The following EYS variants were observed in gnomAD, a reference collection of about 807,000 sequenced individuals.
The protein encoded by EYS is protein eyes shut homolog.
In EYS, 250 loss-of-function variants were observed where a neutral mutation model predicts 282.1. The observed-to-expected ratio is 0.89, with a 90% CI of 0.80 to 0.98. The LOEUF is 0.98. Among genes scored for constraint, EYS ranks in the 50% least tolerant of loss-of-function variants. The pLI is 0.00. For missense variants in EYS, 4,016 were observed against 3,709.0 expected (o/e 1.08, Z -2.15); for synonymous variants, 1,355 against 1,282.9 (o/e 1.06, Z -1.20).
At chr6:63,969,814 C>T (rs1582052285) in intron 35 of EYS, among the ~76,000 whole-genome samples, 1 of 152,176 alleles carries the variant, frequency 6.6e-6, no homozygotes, top group Non-Finnish European at 1.5e-5. Context: ...AAAAGCATTA[C>T]AACAACTTTT....
At chr6:64,367,583 T>C (rs1454077805) in intron 29 of EYS, among the ~76,000 whole-genome samples, 4 of 149,098 alleles carry the variant, frequency 2.7e-5, no homozygotes, top group Non-Finnish European at 5.9e-5. Context: ...AAATAGGAAG[T>C]GGTGATAAAC....
chr6:63,940,118 C>A (rs1765188330), intron 35 of EYS, among the ~76,000 whole-genome samples: 2 of 152,140 alleles, frequency 1.3e-5, no homozygotes, highest in South Asian at 4.1e-4. Flanking sequence ...TATTTCTCAT[C>A]TTGTTTAGTG....
chr6:65,238,939 TA>T (rs1292907018), intron 12 of EYS, among the ~76,000 whole-genome samples: 2 of 152,032 alleles, frequency 1.3e-5, no homozygotes, highest in East Asian at 1.9e-4. Context: ...TTAATATGCT[TA>T]AAAAAGTTAT....
chr6:64,091,594 C>T (rs149953981), intron 31 of EYS, among the ~76,000 whole-genome samples: 43 of 152,236 alleles, frequency 2.8e-4, no homozygotes, highest in East Asian at 1.5e-3. Context: ...CAGGCCTCTA[C>T]GTTGATGGTC....
At chr6:64,754,993 A>T (rs1772887417) in intron 22 of EYS, among the ~76,000 whole-genome samples, 1 of 152,146 alleles carries the variant, frequency 6.6e-6, no homozygotes, top group Admixed American at 6.5e-5. Context: ...GAACCGAGGA[A>T]GTCAAATTAG....
At chr6:64,511,717 G>A (rs973570252) in intron 26 of EYS, among the ~76,000 whole-genome samples, 36 of 152,068 alleles carry the variant, frequency 2.4e-4, no homozygotes, top group Non-Finnish European at 4.7e-4. Context: ...GGCATATACC[G>A]TGGATGGCTG....
intron 31 of EYS, among the ~76,000 whole-genome samples, chr6:64,145,797 T>C (rs147422299): frequency 5.1e-4 from 77 of 152,292 alleles, no homozygotes; most frequent in African/African-American, 1.8e-3. Flanking sequence ...CTCCTCTTTA[T>C]TCCTCTTTCT....
At chr6:65,066,331 A>T (rs1773745941) in intron 12 of EYS, among the ~76,000 whole-genome samples, 1 of 152,180 alleles carries the variant, frequency 6.6e-6, no homozygotes. Context: ...GCAATTTTGA[A>T]CCTATTTCCA....
intron 12 of EYS, among the ~76,000 whole-genome samples, chr6:65,140,182 T>A (rs995946926): frequency 6.6e-6 from 1 of 151,950 alleles, no homozygotes; most frequent in Non-Finnish European, 1.5e-5. Flanking sequence ...CAAAGAAATA[T>A]AAGATATTAA....
chr6:65,339,431 C>T (rs1770115004), intron 10 of EYS, among the ~76,000 whole-genome samples: 1 of 150,976 alleles, frequency 6.6e-6, no homozygotes, highest in Admixed American at 6.6e-5. Flanking sequence ...AAAGAGAGAC[C>T]ATAGTCACAT....
chr6:65,014,658 T>A (rs922717289), intron 13 of EYS, among the ~76,000 whole-genome samples: 3 of 152,086 alleles, frequency 2.0e-5, no homozygotes, highest in Admixed American at 1.3e-4. Flanking sequence ...AAGAAGGAGA[T>A]GCATTACCAC....
intron 35 of EYS, among the ~76,000 whole-genome samples, chr6:63,906,751 G>A (rs901101003): frequency 6.6e-6 from 1 of 152,130 alleles, no homozygotes; most frequent in Non-Finnish European, 1.5e-5. Flanking sequence ...TTAGCTCATT[G>A]AGAATGATGA....
chr6:64,579,507 T>C (rs933661661), intron 26 of EYS, among the ~76,000 whole-genome samples: 6 of 152,092 alleles, frequency 3.9e-5, no homozygotes, highest in African/African-American at 1.4e-4. Context: ...ACTATTATAA[T>C]TATCCTTGAA....
chr6:64,894,785 A>C (rs1767401877), intron 18 of EYS, among the ~76,000 whole-genome samples: 1 of 152,172 alleles, frequency 6.6e-6, no homozygotes, highest in Non-Finnish European at 1.5e-5. Context: ...AAGTATACTT[A>C]TCTCTGCAAT....
chr6:64,318,747 A>AT (rs1770081045), intron 29 of EYS, among the ~76,000 whole-genome samples: 2 of 151,320 alleles, frequency 1.3e-5, no homozygotes, highest in Non-Finnish European at 1.5e-5. Flanking sequence ...TATGTGTGTG[A>AT]TTTTTTATTT....
At chr6:64,948,638 T>C (rs1033305546) in intron 14 of EYS, among the ~76,000 whole-genome samples, 7 of 147,880 alleles carry the variant, frequency 4.7e-5, no homozygotes. Context: ...TAGTATTAAA[T>C]AGTATTAAAT....
At chr6:64,536,831 T>C (rs1480237676) in intron 26 of EYS, among the ~76,000 whole-genome samples, 3 of 151,164 alleles carry the variant, frequency 2.0e-5, no homozygotes, top group Non-Finnish European at 2.9e-5. Context: ...TATTTATTTC[T>C]TTACATACAT....
chr6:64,703,086 A>T (rs2149925882), intron 22 of EYS, among the ~76,000 whole-genome samples: 1 of 152,128 alleles, frequency 6.6e-6, no homozygotes, highest in South Asian at 2.1e-4. Flanking sequence ...GAGTAAACTC[A>T]TAAGCATTTC....
chr6:64,689,699 C>A (rs995676263), intron 22 of EYS, among the ~76,000 whole-genome samples: 1 of 152,092 alleles, frequency 6.6e-6, no homozygotes, highest in Non-Finnish European at 1.5e-5. Context: ...TGATCTTTGA[C>A]AAACCTGACA....
Sources: gnomAD v4.1 joint callset for allele counts (sites outside exome capture counted in the v4.1 genomes callset) on GRCh38, gnomAD v4.1.1 for gene constraint, MANE v1.5 for transcripts, NCBI Gene and HGNC (gene_info 2026-07-23, HGNC 2026-07-21) for gene names.